The following PATJ variants were observed in gnomAD, a reference collection of about 807,000 sequenced individuals.
PATJ encodes PATJ crumbs cell polarity complex component.
PATJ carries 190 observed loss-of-function variants against 224.9 expected under a neutral mutation model. That is an observed-to-expected ratio of 0.84 (90% CI 0.75 to 0.95). The LOEUF (loss-of-function observed/expected upper bound fraction) is 0.95, where lower values mean the gene tolerates loss of function less well. Among genes scored for constraint, PATJ ranks in the 40% least tolerant of loss-of-function variants. PATJ has a pLI of 0.00. For synonymous variants in PATJ, 769 were observed against 820.3 expected (o/e 0.94, Z 1.07); for missense variants, 2,121 against 2,270.3 (o/e 0.93, Z 1.34).
chr1:61,846,279 A>G (rs1159608641), intron 17 of PATJ: 1 of 152,200 alleles, frequency 6.6e-6, no homozygotes, highest in Non-Finnish European at 1.5e-5. Context: ...TCAAATCTTC[A>G]TGATTAAACA....
chr1:62,033,419 G>A (rs1649705427), intron 29 of PATJ, among the ~76,000 whole-genome samples: 1 of 152,184 alleles, frequency 6.6e-6, no homozygotes, highest in Non-Finnish European at 1.5e-5. Flanking sequence ...CAGCTCTAGA[G>A]ATGTCAGCAG....
chr1:61,774,769 A>G (rs1384886061), intron 6 of PATJ, among the ~76,000 whole-genome samples: 1 of 151,988 alleles, frequency 6.6e-6, no homozygotes, highest in Admixed American at 6.6e-5. Context: ...AGTTTTCTGT[A>G]ATTCTTCATT....
At chr1:61,982,694 T>G (rs1644515525) in intron 27 of PATJ, among the ~76,000 whole-genome samples, 1 of 151,948 alleles carries the variant, frequency 6.6e-6, no homozygotes, top group Non-Finnish European at 1.5e-5. Context: ...AGAAAAAAAA[T>G]TGAACTATAT....
intron 30 of PATJ, among the ~76,000 whole-genome samples, chr1:62,046,787 C>T (rs1244931198): frequency 6.6e-6 from 1 of 152,162 alleles, no homozygotes; most frequent in Non-Finnish European, 1.5e-5. Context: ...CATTTGAGAC[C>T]TGGCTTTGAA....
chr1:61,992,316 C>T (rs555993817), intron 28 of PATJ, among the ~76,000 whole-genome samples: 2 of 152,102 alleles, frequency 1.3e-5, no homozygotes, highest in African/African-American at 4.8e-5. Flanking sequence ...TGGGGTTTCT[C>T]CATGTTGGTC....
At chr1:62,114,021 AG>A in intron 34 of PATJ, 31 bp from the exon 35 acceptor site, 1 of 1,602,120 alleles carries the variant, frequency 6.2e-7, no homozygotes, top group Non-Finnish European at 8.5e-7. Flanking sequence ...CTCTGCCATC[AG>A]CAGCCCAGCT....
intron 24 of PATJ, among the ~76,000 whole-genome samples, chr1:61,905,362 G>A (rs1671720980): frequency 1.3e-5 from 2 of 152,140 alleles, no homozygotes; most frequent in African/African-American, 4.8e-5. Flanking sequence ...CTTTGTAAAG[G>A]CCCTACCTAC....
At chr1:61,932,598 T>C (rs1676195615) in intron 27 of PATJ, among the ~76,000 whole-genome samples, 1 of 152,118 alleles carries the variant, frequency 6.6e-6, no homozygotes. Flanking sequence ...AAGAGGACGC[T>C]TGATAAAATA....
Position 61,927,849 on chromosome 1 carries a change from T to G in PATJ, c.3670+20T>G, listed in dbSNP as rs1458468292. 2 of 1,485,390 alleles carry G rather than the reference T, an allele frequency of 1.3e-6. No homozygotes were observed. The highest frequency in any genetic ancestry group is 2.8e-5 in the African/African-American group (2 of 71,886). The allele number at this position is 1,485,390 out of a possible 1,614,324, so 92.0% of individuals were successfully genotyped here. ...CCGACCGTGAGTGCCTTTTCACTAT[T>G]TAGGGTAGATGCAGAACTTATTAAA... is the stretch of plus-strand genomic sequence containing the variant. On this transcript the variant is annotated intron_variant, in intron 27 of 43. Transcript: ENST00000642238.
intron 17 of PATJ, among the ~76,000 whole-genome samples, chr1:61,854,765 T>C (rs1436464650): frequency 6.6e-6 from 1 of 152,232 alleles, no homozygotes; most frequent in Non-Finnish European, 1.5e-5. Context: ...ATATAGTAAG[T>C]GCTATATATC....
intron 43 of PATJ, among the ~76,000 whole-genome samples, chr1:62,160,677 T>C (rs1444187428): frequency 1.3e-5 from 2 of 152,192 alleles, no homozygotes; most frequent in Non-Finnish European, 2.9e-5. Flanking sequence ...ACATTTCTAC[T>C]AGTATGTTAT....
At chr1:62,145,068 G>A (rs1667908460) in intron 41 of PATJ, among the ~76,000 whole-genome samples, 1 of 151,980 alleles carries the variant, frequency 6.6e-6, no homozygotes, top group African/African-American at 2.4e-5. Context: ...GCCCACCTCG[G>A]CTTCCAAAAG....
chr1:61,907,937 CT>C (rs1441759673), intron 24 of PATJ, among the ~76,000 whole-genome samples: 1 of 152,144 alleles, frequency 6.6e-6, no homozygotes, highest in Non-Finnish European at 1.5e-5. Flanking sequence ...TGTTCAACTA[CT>C]CAATTGTGAT....
rs748419036 is a variant in PATJ, at chr1:62,117,147, G to A, written c.4819G>A (p.Val1607Met). ...ATILKCAQGL[V>M]QLEIGRLRAG... is the part of the protein sequence containing the mutation. The stretch of plus-strand genomic sequence containing the variant: ...CCTTTCCAAGTGTGCACAGGGACTT[G>A]TGCAGCTAGAGATTGGAAGACTCCG... The change falls in exon 37 of 44, where the codon GTG becomes ATG. Residue 1607 changes from valine to methionine, a missense_variant. Transcript: ENST00000642238. 1.8e-5 allele frequency: 29 copies of A among 1,613,788 alleles called. No homozygotes were observed. Among genetic ancestry groups the A allele is most frequent in the Non-Finnish European group, 2.3e-5 (27 of 1,179,900 alleles).
chr1:62,031,108 C>A (rs1386284597), intron 29 of PATJ, among the ~76,000 whole-genome samples: 1 of 152,146 alleles, frequency 6.6e-6, no homozygotes, highest in African/African-American at 2.4e-5. Context: ...AGGTTTATTT[C>A]TTTCTCATGT....
chr1:61,816,112 C>T (rs556102909), intron 14 of PATJ, among the ~76,000 whole-genome samples: 4 of 152,216 alleles, frequency 2.6e-5, no homozygotes, highest in African/African-American at 9.6e-5. Context: ...AGTTATATTT[C>T]CTGACCTGGA....
intron 16 of PATJ, among the ~76,000 whole-genome samples, chr1:61,831,074 C>T (rs541881115): frequency 5.3e-4 from 80 of 150,956 alleles, no homozygotes; most frequent in African/African-American, 1.9e-3. Context: ...GTAGTCCCAG[C>T]TACTTGGGGG....
chr1:61,796,081 GTCTATACATA>G (rs1380710899), intron 10 of PATJ, among the ~76,000 whole-genome samples: 5 of 152,108 alleles, frequency 3.3e-5, no homozygotes, highest in Non-Finnish European at 7.4e-5. Context: ...TTATATTAAT[GTCTATACATA>G]TGTATACACA....
chr1:62,119,489 G>A (rs1435976506), intron 37 of PATJ, among the ~76,000 whole-genome samples: 3 of 152,250 alleles, frequency 2.0e-5, no homozygotes, highest in African/African-American at 7.2e-5. Context: ...TTCATTAAGA[G>A]AGAAATAACT....
Sources: allele counts gnomAD v4.1 joint callset (sites outside exome capture counted in the v4.1 genomes callset), GRCh38; gene constraint gnomAD v4.1.1; transcripts MANE v1.5; gene names NCBI Gene and HGNC (gene_info 2026-07-23, HGNC 2026-07-21).